The following TRABD2A variants were observed in gnomAD, a reference collection of about 807,000 sequenced individuals.
The protein encoded by TRABD2A is metalloprotease TIKI1.
A neutral mutation model predicts 45.6 loss-of-function variants in TRABD2A; 43 were observed. The ratio of observed to expected loss-of-function variants is 0.94; its 90% confidence interval spans 0.74 to 1.22. TRABD2A has a LOEUF of 1.22. Among genes scored for constraint, TRABD2A ranks in the 50% most tolerant of loss-of-function variants. The pLI is 0.00. For missense variants in TRABD2A, 642 were observed against 652.4 expected, an observed-to-expected ratio of 0.98 and a Z score of 0.17; for synonymous variants, 269 against 265.0, an observed-to-expected ratio of 1.02 and a Z score of -0.15.
At chr2:84,823,618 G>A (rs1017047875) in intron 6 of TRABD2A, among the ~76,000 whole-genome samples, 1 of 152,186 alleles carries the variant, frequency 6.6e-6, no homozygotes, top group Non-Finnish European at 1.5e-5. Flanking sequence ...GCAAGTCTAT[G>A]ACATTCTCCC....
At chr2:84,880,363 G>A (rs1452044996) in intron 1 of TRABD2A, among the ~76,000 whole-genome samples, 1 of 152,118 alleles carries the variant, frequency 6.6e-6, no homozygotes, top group Non-Finnish European at 1.5e-5. Context: ...TGGTCACTCC[G>A]CGAACGCACT....
In TRABD2A at chr2:84,870,299, G is replaced by A. The variant is rs1682828536; in HGVS notation, c.595C>T (p.Leu199=). Residue 199 remains leucine, a synonymous_variant, in exon 2 of 7, where the codon CTG becomes TTG. Coordinates refer to ENST00000409520, the MANE Select transcript of TRABD2A (RefSeq NM_001277053.2). Reference sequence around the variant, plus strand: ...TCCACTGCCCCAGTCTGTTTCCTCAGCCGCTCAGCCTCCTGGGCAAGGAAC... The same window carrying A: ...TCCACTGCCCCAGTCTGTTTCCTCAACCGCTCAGCCTCCTGGGCAAGGAAC... ...DLFLAQEAER[L]RKQTGAVEKV... 1 of 1,613,870 alleles carries A rather than the reference G, an allele frequency of 6.2e-7. No homozygotes were observed. Among genetic ancestry groups the A allele is most frequent in the Non-Finnish European group, 8.5e-7 (1 of 1,179,902 alleles).
Position 84,839,292 on chromosome 2 carries a change from G to A in TRABD2A, c.848C>T (p.Pro283Leu). The change falls in exon 4 of 7, where the codon CCT becomes CTT. Residue 283 changes from proline (P) to leucine (L), a missense_variant. By Grantham distance (98) the Pro-to-Leu change is moderately conservative. Coordinates refer to ENST00000409520, the MANE Select transcript of TRABD2A (RefSeq NM_001277053.2). Reference protein sequence around the residue: ...VPNFINATLPPQERITAQEID... With the variant: ...VPNFINATLPLQERITAQEID... ...CTCCTGAGCAGTGATGCGCTCCTGA[G>A]GTGGTAGCGTGGCATTAATAAAATT... 2.5e-6 allele frequency: 4 copies of A among 1,613,076 alleles called. No individual in the cohort carries two copies. The highest frequency in any genetic ancestry group is 3.4e-6 in the Non-Finnish European group (4 of 1,179,574).
chr2:84,874,138 A>G (rs1682954472), intron 1 of TRABD2A, among the ~76,000 whole-genome samples: 1 of 152,236 alleles, frequency 6.6e-6, no homozygotes, highest in Non-Finnish European at 1.5e-5. Flanking sequence ...ATTTCTCTTC[A>G]GAAGCAGTCT....
chr2:84,863,277 C>T (rs1318068952), intron 2 of TRABD2A, among the ~76,000 whole-genome samples: 2 of 110,652 alleles, frequency 1.8e-5, no homozygotes, highest in Non-Finnish European at 3.6e-5. Flanking sequence ...CGGAGTCTCG[C>T]TCTGTCGCCC....
chr2:84,857,881 C>T (rs1682368753), intron 2 of TRABD2A, among the ~76,000 whole-genome samples: 2 of 152,134 alleles, frequency 1.3e-5, no homozygotes. Context: ...ACTTTATTTT[C>T]TATTTTGTTA....
chr2:84,832,033 G>T, intron 5 of TRABD2A, 22 bp downstream of exon 5: 2 of 1,613,758 alleles, frequency 1.2e-6, no homozygotes, highest in Non-Finnish European at 1.7e-6. Flanking sequence ...CCCCAGCCAA[G>T]ATAGAAGCAC....
At position 84,824,206 on chromosome 2, in the gene TRABD2A, TG is replaced by T; in HGVS notation, c.1083-3del. ...GTGGAGGTCTTTTTACTCTTCCCTC[TG>T]TACGCAAGTGGAAGGAGAAGGTATT... On this transcript the variant is annotated splice_region_variant and splice_polypyrimidine_tract_variant and intron_variant, in intron 5 of 6. Transcript: ENST00000409520. 6.2e-7 allele frequency: 1 copy of T among 1,613,708 alleles called. No homozygotes were observed. The highest frequency in any genetic ancestry group is 8.5e-7 in the Non-Finnish European group (1 of 1,179,800).
chr2:84,829,364 ACAC>A (rs1210182522), intron 5 of TRABD2A, among the ~76,000 whole-genome samples: 2 of 6,932 alleles, frequency 2.9e-4, no homozygotes, highest in African/African-American at 7.9e-3. Context: ...ACAACCAGCA[ACAC>A]ACACACACAC....
intron 1 of TRABD2A, among the ~76,000 whole-genome samples, chr2:84,871,706 CA>C (rs1188821003): frequency 2.0e-5 from 3 of 152,108 alleles, no homozygotes; most frequent in African/African-American, 7.2e-5. Context: ...AGGCTGGTCT[CA>C]AACTCCTGAC....
Position 84,833,659 on chromosome 2 carries a change from C to T in TRABD2A, c.992-1514G>A, listed in dbSNP as rs1681410743. ...TGTTTCGGAGCAATTTCTGTAGTTTCCTCTGTTCAACTTAGCCTTCAGAAG... is the reference window on the plus strand; with the variant it reads ...TGTTTCGGAGCAATTTCTGTAGTTTTCTCTGTTCAACTTAGCCTTCAGAAG... On this transcript the variant is annotated intron_variant, in intron 4 of 6. Coordinates refer to ENST00000409520, the MANE Select transcript of TRABD2A (RefSeq NM_001277053.2). 3 of 152,098 alleles carry T rather than the reference C, an allele frequency of 2.0e-5. No individual in the cohort carries two copies. In the South Asian group the frequency reaches 6.2e-4, roughly 32 times the overall value. The allele number at this position is 152,098 out of a possible 1,614,324, so 9.4% of individuals were successfully genotyped here.
intron 2 of TRABD2A, among the ~76,000 whole-genome samples, chr2:84,842,509 T>C (rs958166170): frequency 2.6e-5 from 4 of 151,904 alleles, no homozygotes; most frequent in African/African-American, 9.7e-5. Flanking sequence ...AAATGGGAAA[T>C]GAAGGCTAAA....
intron 5 of TRABD2A, among the ~76,000 whole-genome samples, chr2:84,824,504 T>C (rs1175809496): frequency 6.6e-6 from 1 of 150,724 alleles, no homozygotes; most frequent in Non-Finnish European, 1.5e-5. Flanking sequence ...TTTCCAACAA[T>C]GAACAGGTCA....
chr2:84,853,758 G>A (rs1431979184), intron 2 of TRABD2A, among the ~76,000 whole-genome samples: 1 of 152,238 alleles, frequency 6.6e-6, no homozygotes. Flanking sequence ...GATGGGTGCA[G>A]TGGCTTACGC....
intron 1 of TRABD2A, chr2:84,874,818 G>T: frequency 4.6e-6 from 1 of 216,846 alleles, no homozygotes; most frequent in South Asian, 7.4e-5. Flanking sequence ...GAGAGGCCCA[G>T]ATTGAGGTGG....
At chr2:84,845,798 T>C (rs1681875723) in intron 2 of TRABD2A, among the ~76,000 whole-genome samples, 1 of 152,178 alleles carries the variant, frequency 6.6e-6, no homozygotes, top group African/African-American at 2.4e-5. Context: ...ATTAATTCAG[T>C]CAATAAATAG....
At chr2:84,855,872 T>A (rs1682283309) in intron 2 of TRABD2A, among the ~76,000 whole-genome samples, 1 of 152,152 alleles carries the variant, frequency 6.6e-6, no homozygotes, top group Non-Finnish European at 1.5e-5. Flanking sequence ...GGCAGATGTC[T>A]TTTTTGTCAA....
intron 5 of TRABD2A, among the ~76,000 whole-genome samples, chr2:84,831,545 AGAG>A (rs1376000835): frequency 1.3e-5 from 2 of 148,290 alleles, no homozygotes; most frequent in Non-Finnish European, 3.0e-5. Flanking sequence ...AAAAAAAAAA[AGAG>A]AGAGAAATAA....
At chr2:84,849,930 G>A (rs1391455430) in intron 2 of TRABD2A, among the ~76,000 whole-genome samples, 3 of 152,146 alleles carry the variant, frequency 2.0e-5, no homozygotes, top group Admixed American at 6.5e-5. Flanking sequence ...TGTTTTCTAC[G>A]GTTTTTCCAA....
Sources: gnomAD v4.1 joint callset for allele counts (sites outside exome capture counted in the v4.1 genomes callset) on GRCh38, gnomAD v4.1.1 for gene constraint, MANE v1.5 for transcripts, NCBI Gene and HGNC (gene_info 2026-07-23, HGNC 2026-07-21) for gene names.